ERLEC1: variants seen among roughly 807,000 people sequenced by gnomAD.
The protein encoded by ERLEC1 is endoplasmic reticulum lectin 1, also known as ER lectin.
Under a neutral mutation model 68.0 loss-of-function variants are expected in ERLEC1, and 47 were observed. That is an observed-to-expected ratio of 0.69 (90% confidence interval 0.55 to 0.88). The LOEUF (loss-of-function observed/expected upper bound fraction) is 0.88. Ranked by LOEUF, ERLEC1 falls within the 40% of genes least tolerant of loss-of-function variation. The probability of loss-of-function intolerance (pLI) is 0.00; values close to 1 mark genes in which losing one functional copy is unlikely to be tolerated. For missense variants in ERLEC1, 567 were observed against 583.8 expected, an observed-to-expected ratio of 0.97 and a Z score of 0.30; for synonymous variants, 225 against 203.2, an observed-to-expected ratio of 1.11 and a Z score of -0.91.
At chr2:53,808,930 A>G (rs1222162805) in intron 9 of ERLEC1, among the ~76,000 whole-genome samples, 3 of 152,218 alleles carry the variant, frequency 2.0e-5, no homozygotes, top group African/African-American at 7.2e-5. Flanking sequence ...CACCTGGCCA[A>G]CATCTCCCTT....
intron 8 of ERLEC1, 72 bp downstream of exon 8, chr2:53,801,914 A>G: frequency 7.7e-7 from 1 of 1,296,810 alleles, no homozygotes; most frequent in Non-Finnish European, 1.1e-6. Flanking sequence ...TCAATATTTT[A>G]ATGATTTCTG....
At chr2:53,804,176 T>C (rs1676155735) in intron 8 of ERLEC1, among the ~76,000 whole-genome samples, 1 of 152,216 alleles carries the variant, frequency 6.6e-6, no homozygotes, top group Non-Finnish European at 1.5e-5. Context: ...GCATTTTTTT[T>C]AATTTCTAAT....
At chr2:53,796,919 T>C (rs1250160153) in intron 3 of ERLEC1, among the ~76,000 whole-genome samples, 1 of 138,562 alleles carries the variant, frequency 7.2e-6, no homozygotes, top group South Asian at 2.3e-4. Context: ...TGAGACAGAG[T>C]TTCACTCCGT....
At position 53,809,206 on chromosome 2, in the gene ERLEC1, T is replaced by C. The variant is rs780285403; in HGVS notation, c.1042-8T>C. 4 of 1,579,748 alleles carry C rather than the reference T, an allele frequency of 2.5e-6. No homozygotes were observed. The African/African-American group carries it at 5.5e-5, about 22-fold the overall frequency. ...TAACTTGATCTAATATGTTTTCTTT[T>C]TTTTTAGGGTGTCGGTTGGTGGAAA... On this transcript the variant is annotated splice_region_variant and splice_polypyrimidine_tract_variant and intron_variant, in intron 9 of 13. Coordinates refer to ENST00000185150, the MANE Select transcript of ERLEC1 (RefSeq NM_015701.5).
chr2:53,799,753 A>T (rs1376212677), intron 6 of ERLEC1, among the ~76,000 whole-genome samples: 1 of 152,140 alleles, frequency 6.6e-6, no homozygotes, highest in Non-Finnish European at 1.5e-5. Context: ...TAAAATGGCA[A>T]AGTCTTTGAA....
chr2:53,812,577 G>A (rs1676647145), intron 10 of ERLEC1, among the ~76,000 whole-genome samples: 1 of 152,126 alleles, frequency 6.6e-6, no homozygotes, highest in South Asian at 2.1e-4. Context: ...CTAGGTATGA[G>A]AGATTAAACT....
chr2:53,787,155 T>G lies in ERLEC1; in HGVS notation c.-56T>G. ...CTCCTCCACCTCCTCCTCCTCCTCC[T>G]CTCCTCCTGGAGCAGAGGAGGTTGT... On this transcript the variant is annotated 5_prime_UTR_variant, in exon 1 of 14. Transcript: ENST00000185150. 8 of 934,240 alleles carry G rather than the reference T, an allele frequency of 8.6e-6. No homozygotes were observed. In the South Asian group the frequency reaches 8.8e-5, roughly 10 times the overall value. The allele number at this position is 934,240 out of a possible 1,614,324, so 57.9% of individuals were successfully genotyped here. A position where few individuals can be genotyped will look rare whatever the true frequency, so the allele number is the denominator to read the frequency against.
intron 8 of ERLEC1, among the ~76,000 whole-genome samples, chr2:53,806,213 A>G (rs559320235): frequency 6.6e-6 from 1 of 152,338 alleles, no homozygotes; most frequent in Admixed American, 6.5e-5. Flanking sequence ...TTAGGAGTCC[A>G]TGTAATGAAT....
At chr2:53,796,063 C>A (rs751990198) in intron 3 of ERLEC1, 50 bp downstream of exon 3, 2 of 1,218,422 alleles carry the variant, frequency 1.6e-6, no homozygotes, top group South Asian at 1.4e-5. Context: ...TACCAACAGC[C>A]AACAGACCTT....
In ERLEC1 at chr2:53,797,552, A is replaced by G. The variant is rs1558595303; in HGVS notation, c.386A>G (p.Lys129Arg). ...SYWTYEVCHG[K>R]HIRQYHEEKE... ...TGGACTTACGAAGTATGTCATGGAAAACACATTCGGCAGTACCATGAAGAG... is the reference window on the plus strand; with the variant it reads ...TGGACTTACGAAGTATGTCATGGAAGACACATTCGGCAGTACCATGAAGAG... Residue 129 changes from lysine (K) to arginine (R), a missense_variant, in exon 4 of 14, where the codon AAA (lysine) becomes AGA (arginine). By Grantham distance (26) the Lys-to-Arg change is conservative. Transcript: ENST00000185150. The G allele has an allele frequency of 1.9e-6, 3 of 1,612,984 alleles. No individual in the cohort carries two copies. Among genetic ancestry groups the G allele is most frequent in the African/African-American group, 1.3e-5 (1 of 75,014 alleles).
At position 53,787,321 on chromosome 2, in the gene ERLEC1, C is replaced by T. The variant is rs1203108442; in HGVS notation, c.111C>T (p.Leu37=). The change falls in exon 1 of 14, where the codon CTC becomes CTT. Residue 37 remains leucine (L), a synonymous_variant. Transcript: ENST00000185150. The stretch of plus-strand genomic sequence containing the variant: ...GCGGCGGCCGAGCCCTTCCTCAACT[C>T]AGCGATGACATCCCTTTCCGAGTCA... The part of the protein sequence containing the change: ...ASGGGRALPQ[L]SDDIPFRVNW... The T allele has an allele frequency of 1.9e-6, 3 of 1,611,586 alleles. No homozygotes were observed. Among genetic ancestry groups the T allele is most frequent in the Middle Eastern group, 1.6e-4 (1 of 6,084 alleles).
chr2:53,807,009 C>T (rs369686031), intron 8 of ERLEC1, among the ~76,000 whole-genome samples: 19 of 152,166 alleles, frequency 1.2e-4, no homozygotes, highest in Non-Finnish European at 2.4e-4. Context: ...CCTAACTTGA[C>T]TCTCTTCCTC....
chr2:53,800,882 T>G (rs1675966486), intron 6 of ERLEC1, among the ~76,000 whole-genome samples: 1 of 152,126 alleles, frequency 6.6e-6, no homozygotes, highest in Admixed American at 6.5e-5. Context: ...GTAAGTAGAT[T>G]GATGAACCAG....
At chr2:53,814,363 C>G (rs1676749125) in intron 11 of ERLEC1, among the ~76,000 whole-genome samples, 180 bp from the exon 12 acceptor site, 1 of 151,992 alleles carries the variant, frequency 6.6e-6, no homozygotes, top group Non-Finnish European at 1.5e-5. Context: ...TTTATAGAAT[C>G]CAAGAGAATG....
At chr2:53,795,574 A>G (rs750424508) in intron 2 of ERLEC1, among the ~76,000 whole-genome samples, 4 of 152,226 alleles carry the variant, frequency 2.6e-5, no homozygotes, top group Non-Finnish European at 5.9e-5. Context: ...ATAGCTAAGA[A>G]TTTGTTTGGG....
Position 53,787,082 on chromosome 2 carries a change from C to A in ERLEC1, c.-129C>A. ...CCGGGCTCTCCGGAAGGAGACGTGG[C>A]GGCGGTTGGGCCGGTGATACCCGGG... On this transcript the variant is annotated 5_prime_UTR_variant, in exon 1 of 14. Transcript: ENST00000185150. 5 of 1,270,872 alleles carry A rather than the reference C, an allele frequency of 3.9e-6. No individual in the cohort carries two copies. Among genetic ancestry groups the A allele is most frequent in the East Asian group, 2.7e-5 (1 of 36,720 alleles). The allele number at this position is 1,270,872 out of a possible 1,614,324, so 78.7% of individuals were successfully genotyped here.
At chr2:53,815,008 T>G (rs1035623221) in intron 13 of ERLEC1, 73 bp downstream of exon 13, 67 of 1,008,138 alleles carry the variant, frequency 6.6e-5, no homozygotes, top group Middle Eastern at 3.3e-4. Context: ...TTTTTTTTTT[T>G]TTTTTTTTGT....
intron 3 of ERLEC1, among the ~76,000 whole-genome samples, 173 bp downstream of exon 3, chr2:53,796,186 G>A (rs1045902000): frequency 2.7e-5 from 4 of 150,530 alleles, no homozygotes; most frequent in South Asian, 2.1e-4. Flanking sequence ...GCATGTCACC[G>A]GGGTTTGGTG....
At chr2:53,811,162 C>A (rs1342691927) in intron 10 of ERLEC1, among the ~76,000 whole-genome samples, 1 of 152,190 alleles carries the variant, frequency 6.6e-6, no homozygotes, top group Non-Finnish European at 1.5e-5. Context: ...CAGCAACAAT[C>A]GATTTCATTC....
Sources: allele counts gnomAD v4.1 joint callset (sites outside exome capture counted in the v4.1 genomes callset), GRCh38; gene constraint gnomAD v4.1.1; transcripts MANE v1.5; gene names NCBI Gene and HGNC (gene_info 2026-07-23, HGNC 2026-07-21).